Variants in TPP2 observed in about 807,000 individuals in gnomAD.
TPP2 encodes the protein tripeptidyl peptidase 2, also known as tripeptidyl-peptidase 2.
Under a neutral mutation model 155.9 loss-of-function variants are expected in TPP2, and 34 were observed. The ratio of observed to expected loss-of-function variants is 0.22; its 90% CI spans 0.17 to 0.29. The LOEUF (loss-of-function observed/expected upper bound fraction) is 0.29, where lower values mean the gene tolerates loss of function less well. Ranked by LOEUF, TPP2 falls within the 10% of genes least tolerant of loss-of-function variation. TPP2 has a pLI of 1.00. For synonymous variants in TPP2, 510 were observed against 529.4 expected (o/e 0.96, Z 0.50); for missense variants, 1,028 against 1,522.3 (o/e 0.68, Z 5.40).
intron 3 of TPP2, 64 bp from the exon 4 acceptor site, chr13:102,616,332 G>T: frequency 7.8e-7 from 1 of 1,287,756 alleles, no homozygotes; most frequent in South Asian, 1.3e-5. Context: ...ACATATAAAT[G>T]CCTGTCTAGG....
At chr13:102,649,343 CCTTA>C in intron 22 of TPP2, 61 bp from the exon 23 acceptor site, 2 of 1,531,044 alleles carry the variant, frequency 1.3e-6, no homozygotes, top group Non-Finnish European at 1.8e-6. Context: ...ATGTTTTTCC[CCTTA>C]CTTGTCTTTG....
intron 5 of TPP2, among the ~76,000 whole-genome samples, chr13:102,619,779 T>C (rs1398237895): frequency 6.6e-6 from 1 of 152,240 alleles, no homozygotes; most frequent in Non-Finnish European, 1.5e-5. Flanking sequence ...ATTAATGCAC[T>C]TTTGTGTGTA....
At chr13:102,599,059 G>T (rs1191308326) in intron 1 of TPP2, among the ~76,000 whole-genome samples, 5 of 152,186 alleles carry the variant, frequency 3.3e-5, no homozygotes, top group African/African-American at 9.7e-5. Context: ...CCCAGGTAGT[G>T]AGCGTGGTAC....
intron 27 of TPP2, among the ~76,000 whole-genome samples, chr13:102,668,575 G>A (rs948122204): frequency 2.6e-5 from 4 of 152,266 alleles, no homozygotes; most frequent in Non-Finnish European, 5.9e-5. Context: ...TGTTACTAAG[G>A]AACCCCACTG....
At chr13:102,670,939 G>A (rs1884936899) in intron 27 of TPP2, among the ~76,000 whole-genome samples, 1 of 152,188 alleles carries the variant, frequency 6.6e-6, no homozygotes, top group South Asian at 2.1e-4. Context: ...AGACTTACAA[G>A]TCCTGGCTCC....
chr13:102,664,784 T>C lies in TPP2; in HGVS notation c.3241-11T>C, dbSNP rs779040761. 1.2e-6 allele frequency: 2 copies of C among 1,609,388 alleles called. No homozygotes were observed. The highest frequency in any genetic ancestry group is 2.2e-5 in the East Asian group (1 of 44,736). ...ATACCTATTTTTTATTATTTCTTTT[T>C]TCCTCTCCAGGAACGAATGAAAAGA... On this transcript the variant is annotated splice_polypyrimidine_tract_variant and intron_variant, in intron 26 of 29. Coordinates refer to ENST00000376052, the MANE Select transcript of TPP2 (RefSeq NM_001330588.2).
intron 29 of TPP2, 135 bp downstream of exon 29, chr13:102,676,550 TATG>T: frequency 9.4e-7 from 1 of 1,060,304 alleles, no homozygotes; most frequent in Non-Finnish European, 1.3e-6. Context: ...ATTAGCGTAA[TATG>T]AACTATAGAA....
At chr13:102,675,966 A>G (rs1885258978) in intron 28 of TPP2, among the ~76,000 whole-genome samples, 2 of 152,124 alleles carry the variant, frequency 1.3e-5, no homozygotes, top group African/African-American at 4.8e-5. Flanking sequence ...CAATTTTGGC[A>G]TTTTTTATTT....
At position 102,605,571 on chromosome 13, in the gene TPP2, A is replaced by T. The variant is rs925913298; in HGVS notation, c.294+650A>T. 3.9e-5 allele frequency among the ~76,000 whole-genome samples: 6 copies of T among 152,188 alleles called. No homozygotes were observed. The South Asian group carries it at 1.0e-3, about 26-fold the overall frequency. Reference sequence around the variant, plus strand: ...CAAATTTTATGTTTTGAATACAAAGATAGAGAAAGTAACCACATCATAGCT... The same window carrying T: ...CAAATTTTATGTTTTGAATACAAAGTTAGAGAAAGTAACCACATCATAGCT... On this transcript the variant is annotated intron_variant, in intron 2 of 29. Transcript: ENST00000376052.
intron 27 of TPP2, among the ~76,000 whole-genome samples, chr13:102,672,694 C>T (rs967793286): frequency 1.3e-5 from 2 of 152,136 alleles, no homozygotes; most frequent in East Asian, 1.9e-4. Context: ...AAGCAAAGGA[C>T]TGCTGAGAAG....
intron 3 of TPP2, among the ~76,000 whole-genome samples, chr13:102,616,060 G>A (rs1171923499): frequency 6.6e-6 from 1 of 151,842 alleles, no homozygotes; most frequent in Non-Finnish European, 1.5e-5. Context: ...GGGTTCAAGC[G>A]ATTCTCGTGC....
chr13:102,599,461 T>C (rs1401986823), intron 1 of TPP2, among the ~76,000 whole-genome samples: 1 of 151,678 alleles, frequency 6.6e-6, no homozygotes, highest in Non-Finnish European at 1.5e-5. Flanking sequence ...AGAGGATGGA[T>C]AGAAAGAAAA....
chr13:102,660,221 TAAATA>T (rs1884115466), intron 25 of TPP2, among the ~76,000 whole-genome samples: 1 of 151,876 alleles, frequency 6.6e-6, no homozygotes, highest in Admixed American at 6.6e-5. Context: ...AAAAAATCAT[TAAATA>T]AATTTAAATG....
At position 102,644,216 on chromosome 13, in the gene TPP2, C is replaced by T. The variant is rs181157457; in HGVS notation, c.2176-341C>T. On this transcript the variant is annotated intron_variant, in intron 17 of 29. Transcript: ENST00000376052. ...CAAAGTTGAAGTATCTTTATTGTGT[C>T]GTTATACTTGATTATTTTTCTTTTG... Among the ~76,000 whole-genome samples the T allele has an allele frequency of 3.6e-3, 548 of 152,064 alleles. 3 individuals carry two copies. Among genetic ancestry groups the T allele is most frequent in the African/African-American group, 0.012 (503 of 41,486 alleles).
chr13:102,655,716 C>A (rs1883809567), intron 24 of TPP2, among the ~76,000 whole-genome samples: 1 of 152,210 alleles, frequency 6.6e-6, no homozygotes, highest in Non-Finnish European at 1.5e-5. Context: ...CCAGCCTGGA[C>A]TGCTCCACTG....
Position 102,649,025 on chromosome 13 carries a change from A to G in TPP2, c.2747A>G (p.Asn916Ser). The G allele has an allele frequency of 6.2e-7, 1 of 1,613,960 alleles. No homozygotes were observed. The highest frequency in any genetic ancestry group is 8.5e-7 in the Non-Finnish European group (1 of 1,179,944). ...LPFIVSHRLS[N>S]TLSLDIHENH... ...TTTATTGTTTCTCATAGATTGTCTAATACCTTGAGCTTAGATATTCATGAA... is the reference window on the plus strand; with the variant it reads ...TTTATTGTTTCTCATAGATTGTCTAGTACCTTGAGCTTAGATATTCATGAA... The change falls in exon 22 of 30, where the codon AAT (asparagine) becomes AGT (serine). Residue 916 changes from asparagine to serine, a missense_variant. Physicochemically the swap from Asn to Ser is conservative, Grantham distance 46. Coordinates refer to ENST00000376052, the MANE Select transcript of TPP2 (RefSeq NM_001330588.2).
At chr13:102,618,979 A>G in intron 5 of TPP2, 133 bp downstream of exon 5, 2 of 1,152,628 alleles carry the variant, frequency 1.7e-6, no homozygotes, top group Non-Finnish European at 2.3e-6. Flanking sequence ...TTTAAGGGCC[A>G]AATTGGCATC....
At chr13:102,627,709 G>T in intron 7 of TPP2, 139 bp from the exon 8 acceptor site, 1 of 597,922 alleles carries the variant, frequency 1.7e-6, no homozygotes, top group Non-Finnish European at 2.9e-6. Context: ...CCAGGTATAT[G>T]GTGATATGCC....
chr13:102,606,450 C>A (rs761120170), intron 2 of TPP2, among the ~76,000 whole-genome samples: 1 of 152,162 alleles, frequency 6.6e-6, no homozygotes, highest in Non-Finnish European at 1.5e-5. Flanking sequence ...ATTAAAGGCT[C>A]AGCTGAGGCT....
Sources: gnomAD v4.1 joint callset for allele counts (sites outside exome capture counted in the v4.1 genomes callset) on GRCh38, gnomAD v4.1.1 for gene constraint, MANE v1.5 for transcripts, NCBI Gene and HGNC (gene_info 2026-07-23, HGNC 2026-07-21) for gene names.